The following RBPMS variants were observed in gnomAD, a reference collection of about 807,000 sequenced individuals.
The protein encoded by RBPMS is RNA binding protein, mRNA processing factor.
Under a neutral mutation model 26.8 loss-of-function variants are expected in RBPMS, and 7 were observed. That is an observed-to-expected ratio of 0.26 (90% CI 0.15 to 0.49). The LOEUF (loss-of-function observed/expected upper bound fraction) is 0.49. Among genes scored for constraint, RBPMS ranks in the 20% least tolerant of loss-of-function variants. The pLI is 0.98. For missense variants in RBPMS, 186 were observed against 250.0 expected (o/e 0.74, Z 1.73); for synonymous variants, 96 against 93.3 (o/e 1.03, Z -0.17).
intron 6 of RBPMS, chr8:30,552,850 A>C (rs1826507372): frequency 6.6e-6 from 1 of 152,236 alleles, no homozygotes; most frequent in Non-Finnish European, 1.5e-5. Flanking sequence ...GATCAGGCTT[A>C]CCAGGATGTA....
In RBPMS at chr8:30,384,563, T is replaced by TCAGCGGCTCTCGGGTCC. The variant is rs1275900341; in HGVS notation, c.-524_-508dup. The TCAGCGGCTCTCGGGTCC allele has an allele frequency of 6.5e-6, 1 of 153,874 alleles. No individual in the cohort carries two copies. Among genetic ancestry groups the TCAGCGGCTCTCGGGTCC allele is most frequent in the African/African-American group, 2.4e-5 (1 of 41,292 alleles). 9.5% of individuals were successfully genotyped at this position (153,874 alleles called of 1,614,324 possible). ...CCCAGAGCCTGCCTGGAGCGCGTAC[T>TCAGCGGCTCTCGGGTCC]CAGCGGCTCTCGGGTCCCAGCGTCC... On this transcript the variant is annotated 5_prime_UTR_variant, in exon 1 of 9. Transcript: ENST00000397323. The surrounding 1 kb of genome is among the most constrained non-coding windows in gnomAD (Gnocchi z 5.6).
chr8:30,437,204 AG>A (rs751504211), intron 1 of RBPMS, among the ~76,000 whole-genome samples: 9 of 148,506 alleles, frequency 6.1e-5, no homozygotes, highest in Admixed American at 3.4e-4. Flanking sequence ...TACAGGCGTG[AG>A]CCACCGCGCC....
At chr8:30,424,548 T>G (rs2150637199) in intron 1 of RBPMS, among the ~76,000 whole-genome samples, 1 of 152,352 alleles carries the variant, frequency 6.6e-6, no homozygotes, top group South Asian at 2.1e-4. Context: ...GATTCATAAC[T>G]AGGTTCATAC....
chr8:30,525,239 CCT>C (rs1823453260), intron 5 of RBPMS, among the ~76,000 whole-genome samples: 1 of 152,136 alleles, frequency 6.6e-6, no homozygotes, highest in Non-Finnish European at 1.5e-5. Context: ...AATATACTGG[CCT>C]CTCTCAAGAC....
At chr8:30,551,212 C>T (rs987095835) in intron 6 of RBPMS, among the ~76,000 whole-genome samples, 2 of 152,184 alleles carry the variant, frequency 1.3e-5, no homozygotes, top group Admixed American at 1.3e-4. Flanking sequence ...GTCCTTCACC[C>T]TCTTTAGAAG....
At chr8:30,385,358 T>C (rs1806905516) in intron 1 of RBPMS, 200 bp downstream of exon 1, 2 of 416,454 alleles carry the variant, frequency 4.8e-6, no homozygotes, top group Non-Finnish European at 4.3e-6. Context: ...GGGCCCCAAA[T>C]TGCGTAACTC....
chr8:30,531,034 A>G (rs1302605548), intron 5 of RBPMS, among the ~76,000 whole-genome samples: 1 of 152,040 alleles, frequency 6.6e-6, no homozygotes, highest in Non-Finnish European at 1.5e-5. Flanking sequence ...ATCTTTATAG[A>G]CAGGTCTTTT....
chr8:30,472,607 A>G (rs1327627419), intron 1 of RBPMS, among the ~76,000 whole-genome samples: 2 of 152,198 alleles, frequency 1.3e-5, no homozygotes, highest in Non-Finnish European at 2.9e-5. Flanking sequence ...GTTTATAAAT[A>G]TATCATAAAA....
At chr8:30,389,571 TG>T (rs1807537239) in intron 1 of RBPMS, among the ~76,000 whole-genome samples, 1 of 152,214 alleles carries the variant, frequency 6.6e-6, no homozygotes, top group Non-Finnish European at 1.5e-5. Context: ...TCAGGCCCTT[TG>T]ATTTAGTACC....
intron 1 of RBPMS, among the ~76,000 whole-genome samples, chr8:30,437,201 G>A (rs990542944): frequency 7.9e-5 from 12 of 151,738 alleles, no homozygotes; most frequent in Non-Finnish European, 1.2e-4. Context: ...GATTACAGGC[G>A]TGAGCCACCG....
chr8:30,477,910 C>CT (rs1224681477), intron 3 of RBPMS, 73 bp downstream of exon 3: 31 of 1,020,100 alleles, frequency 3.0e-5, no homozygotes, highest in South Asian at 3.0e-4. Flanking sequence ...GCTTGACATT[C>CT]TTTTTTTATT....
intron 1 of RBPMS, among the ~76,000 whole-genome samples, chr8:30,446,247 AT>A (rs1164426268): frequency 2.0e-5 from 3 of 152,096 alleles, no homozygotes. Flanking sequence ...TGCGAAGTAG[AT>A]TTGGTCATGT....
chr8:30,549,811 T>TCTCTCCCCTCTCTC (rs1826192828), intron 6 of RBPMS, among the ~76,000 whole-genome samples: 1 of 132,410 alleles, frequency 7.6e-6, no homozygotes, highest in African/African-American at 2.9e-5. Context: ...CTCTCCTCTC[T>TCTCTCCCCTCTCTC]CTCTCTCTCT....
intron 1 of RBPMS, among the ~76,000 whole-genome samples, chr8:30,440,196 T>A (rs1791479179): frequency 6.6e-6 from 1 of 152,204 alleles, no homozygotes; most frequent in Admixed American, 6.5e-5. Flanking sequence ...CCCAATGTGC[T>A]AGGATTACGG....
At chr8:30,549,805 CCT>C (rs71206263) in intron 6 of RBPMS, among the ~76,000 whole-genome samples, 1,840 of 110,556 alleles carry the variant, frequency 0.017, 21 homozygotes, top group Middle Eastern at 0.042. Context: ...TCCCCTCTCT[CCT>C]CTCTCTCTCT....
chr8:30,435,595 G>C (rs2150685403), intron 1 of RBPMS, among the ~76,000 whole-genome samples: 1 of 152,238 alleles, frequency 6.6e-6, no homozygotes, highest in African/African-American at 2.4e-5. Flanking sequence ...TGGGTCAGAG[G>C]GTACTGTGTT....
intron 2 of RBPMS, among the ~76,000 whole-genome samples, chr8:30,476,347 G>C (rs370105281): frequency 2.0e-5 from 3 of 152,298 alleles, no homozygotes; most frequent in African/African-American, 7.2e-5. Context: ...TGAGAACACA[G>C]TATATCCCTA....
chr8:30,491,561 A>G (rs895066856), intron 4 of RBPMS, among the ~76,000 whole-genome samples: 11 of 152,144 alleles, frequency 7.2e-5, no homozygotes, highest in South Asian at 2.1e-4. Flanking sequence ...ATTGCGGTCT[A>G]TGTCTGATCT....
intron 4 of RBPMS, among the ~76,000 whole-genome samples, chr8:30,486,783 A>G (rs1319058640): frequency 1.3e-5 from 2 of 152,246 alleles, no homozygotes; most frequent in Non-Finnish European, 2.9e-5. Context: ...TGACAAGTAT[A>G]TGTGGAAATC....
Sources: gnomAD v4.1 joint callset for allele counts (sites outside exome capture counted in the v4.1 genomes callset) on GRCh38, gnomAD v4.1.1 for gene constraint, Gnocchi (gnomAD v3.1) non-coding constraint, MANE v1.5 for transcripts, NCBI Gene and HGNC (gene_info 2026-07-23, HGNC 2026-07-21) for gene names.